MYT1L: variants seen among roughly 807,000 people sequenced by gnomAD.
MYT1L encodes myelin transcription factor 1-like protein.
A neutral mutation model predicts 126.7 loss-of-function variants in MYT1L; 12 were observed. The observed-to-expected ratio is 0.09, with a 90% CI of 0.06 to 0.15. The LOEUF is 0.15. MYT1L is among the 10% of genes least tolerant of loss of function. The pLI is 1.00. For missense variants in MYT1L, 979 were observed against 1,585.2 expected (o/e 0.62, Z 6.49); for synonymous variants, 541 against 604.2 (o/e 0.90, Z 1.53).
chr2:2,262,755 T>C (rs1324914160), intron 2 of MYT1L, among the ~76,000 whole-genome samples: 2 of 150,692 alleles, frequency 1.3e-5, no homozygotes, highest in Non-Finnish European at 3.0e-5. Context: ...TTGCAGCTGG[T>C]TGGAGCTTTT....
At chr2:1,902,103 C>G (rs532439301) in intron 14 of MYT1L, among the ~76,000 whole-genome samples, 1 of 152,158 alleles carries the variant, frequency 6.6e-6, no homozygotes, top group South Asian at 2.1e-4. Flanking sequence ...TTGGCAATTA[C>G]GTCTATACAG....
chr2:2,285,842 ACAGAGCTAGAG>A lies in MYT1L; in HGVS notation c.-520-1350_-520-1340del, dbSNP rs1028139076. 2.2e-4 allele frequency among the ~76,000 whole-genome samples: 33 copies of A among 152,294 alleles called. No individual in the cohort carries two copies. The Middle Eastern group carries it at 0.014, about 63-fold the overall frequency. ...TCAAGATGCTGCCTAACCCCTGGAG[ACAGAGCTAGAG>A]CATGCCTAGCAGGGGTTCAAAACCA... On this transcript the variant is annotated intron_variant, in intron 1 of 24. Transcript: ENST00000647738.
intron 2 of MYT1L, among the ~76,000 whole-genome samples, chr2:2,264,718 C>A (rs2095077333): frequency 6.6e-6 from 1 of 152,070 alleles, no homozygotes; most frequent in Non-Finnish European, 1.5e-5. Context: ...ACTTGAACGT[C>A]AGTGGAAGGT....
In MYT1L at chr2:1,911,022, G is replaced by A. The variant is rs1413306764; in HGVS notation, c.1710-675C>T. On this transcript the variant is annotated intron_variant, in intron 12 of 24. Coordinates refer to ENST00000647738, the MANE Select transcript of MYT1L (RefSeq NM_001303052.2). The stretch of plus-strand genomic sequence containing the variant: ...TCTGTGGGTGTCTACATACGTATCT[G>A]CTCATATGCACAGACGCTCACCCCA... Among the ~76,000 whole-genome samples the A allele has an allele frequency of 2.6e-5, 4 of 152,140 alleles. No homozygotes were observed. The East Asian group carries it at 5.8e-4, about 22-fold the overall frequency.
intron 4 of MYT1L, among the ~76,000 whole-genome samples, chr2:2,012,283 A>T (rs1200154190): frequency 6.6e-6 from 1 of 152,250 alleles, no homozygotes; most frequent in Non-Finnish European, 1.5e-5. Context: ...TATATCTGCC[A>T]TAAAAAGTTA....
At position 1,943,513 on chromosome 2, in the gene MYT1L, G is replaced by A. The variant is rs1271558542; in HGVS notation, c.153-179C>T. On this transcript the variant is annotated intron_variant, in intron 8 of 24. Coordinates refer to ENST00000647738, the MANE Select transcript of MYT1L (RefSeq NM_001303052.2). This position sits in a 1 kb window ranked among gnomAD's most constrained non-coding sequence, Gnocchi z 4.4. ...TGTTCCCCGAAGTGTGCTGAAATCT[G>A]TTAATGAAGTGATAGTGCAAATAAA... is the stretch of plus-strand genomic sequence containing the variant. Among the ~76,000 whole-genome samples the A allele has an allele frequency of 6.6e-6, 1 of 152,176 alleles. No homozygotes were observed. Among genetic ancestry groups the A allele is most frequent in the Non-Finnish European group, 1.5e-5 (1 of 68,034 alleles).
chr2:2,289,388 A>T (rs778018931), intron 1 of MYT1L, among the ~76,000 whole-genome samples: 152 of 152,222 alleles, frequency 1.0e-3, no homozygotes, highest in Non-Finnish European at 1.7e-3. Context: ...TTAATTAAAA[A>T]CAATTTTTAA....
At chr2:2,019,620 T>A (rs370814105) in intron 4 of MYT1L, among the ~76,000 whole-genome samples, 1 of 152,236 alleles carries the variant, frequency 6.6e-6, no homozygotes, top group Non-Finnish European at 1.5e-5. Context: ...ATCCATGTCA[T>A]TCTCTGCCAT....
At chr2:1,798,390 C>G (rs1346785028) in intron 23 of MYT1L, among the ~76,000 whole-genome samples, 2 of 152,208 alleles carry the variant, frequency 1.3e-5, no homozygotes, top group African/African-American at 4.8e-5. Context: ...TGTGCAGGAC[C>G]CTCATCACCG....
chr2:1,991,965 G>C (rs1399954349), intron 5 of MYT1L, among the ~76,000 whole-genome samples: 5 of 152,166 alleles, frequency 3.3e-5, no homozygotes. Flanking sequence ...GCTCCACAAA[G>C]AAGGATTCGA....
intron 1 of MYT1L, among the ~76,000 whole-genome samples, chr2:2,293,385 G>A (rs928782560): frequency 3.3e-5 from 5 of 152,190 alleles, no homozygotes; most frequent in South Asian, 4.1e-4. Context: ...GATAGAGAGA[G>A]GACCTCATTC....
At chr2:2,242,585 A>T (rs753092890) in intron 2 of MYT1L, among the ~76,000 whole-genome samples, 2 of 152,176 alleles carry the variant, frequency 1.3e-5, no homozygotes, top group Non-Finnish European at 2.9e-5. Flanking sequence ...GCTTCCATTT[A>T]TCAAGCACTG....
At chr2:1,955,128 C>G (rs552203918) in intron 8 of MYT1L, among the ~76,000 whole-genome samples, 2 of 135,602 alleles carry the variant, frequency 1.5e-5, no homozygotes, top group African/African-American at 6.0e-5. Flanking sequence ...GGGCAACAGA[C>G]AGAGAGTCCA....
chr2:2,253,422 CG>C (rs2094711998), intron 2 of MYT1L, among the ~76,000 whole-genome samples: 1 of 152,210 alleles, frequency 6.6e-6, no homozygotes, highest in Admixed American at 6.5e-5. Flanking sequence ...CATTGCTCAG[CG>C]GGAAATCTCA....
At chr2:2,255,802 C>T (rs1030732588) in intron 2 of MYT1L, among the ~76,000 whole-genome samples, 2 of 152,124 alleles carry the variant, frequency 1.3e-5, no homozygotes, top group African/African-American at 4.8e-5. Flanking sequence ...CGTTTCTAGT[C>T]CCGCTGCTTT....
At chr2:2,200,967 A>T (rs977256683) in intron 2 of MYT1L, among the ~76,000 whole-genome samples, 1 of 152,246 alleles carries the variant, frequency 6.6e-6, no homozygotes, top group African/African-American at 2.4e-5. Context: ...CTTTTGGAGA[A>T]GTTAACAAAG....
intron 1 of MYT1L, among the ~76,000 whole-genome samples, chr2:2,288,220 G>A (rs766202060): frequency 6.6e-6 from 1 of 152,194 alleles, no homozygotes; most frequent in Non-Finnish European, 1.5e-5. Flanking sequence ...ACAGAAATGA[G>A]GCCCTGGGAA....
chr2:2,016,756 A>G (rs887939364), intron 4 of MYT1L, among the ~76,000 whole-genome samples: 1 of 152,290 alleles, frequency 6.6e-6, no homozygotes, highest in Non-Finnish European at 1.5e-5. Flanking sequence ...ATGCACATGC[A>G]TCTGTAATCA....
chr2:2,041,234 T>C (rs2067493402), intron 4 of MYT1L, among the ~76,000 whole-genome samples: 3 of 152,344 alleles, frequency 2.0e-5, no homozygotes, highest in African/African-American at 7.2e-5. Context: ...ATTGTACTAT[T>C]AATGAAAGCT....
Sources: allele counts gnomAD v4.1 joint callset (sites outside exome capture counted in the v4.1 genomes callset), GRCh38; gene constraint gnomAD v4.1.1; non-coding constraint Gnocchi (gnomAD v3.1); transcripts MANE v1.5; gene names NCBI Gene and HGNC (gene_info 2026-07-23, HGNC 2026-07-21).